OPLAH: variants seen among roughly 807,000 people sequenced by gnomAD.
OPLAH encodes the protein 5-oxoprolinase, ATP-hydrolysing, also known as 5-oxoprolinase.
A neutral mutation model predicts 122.8 loss-of-function variants in OPLAH; 103 were observed. That is an observed-to-expected ratio of 0.84 (90% CI 0.71 to 0.99). The LOEUF (loss-of-function observed/expected upper bound fraction) is 0.99. Ranked by LOEUF, OPLAH falls within the 50% of genes least tolerant of loss-of-function variation. The pLI, the probability that OPLAH is intolerant of heterozygous loss-of-function variation, is 0.00. For synonymous variants in OPLAH, 875 were observed against 796.0 expected (o/e 1.10, Z -1.67); for missense variants, 1,902 against 1,836.5 (o/e 1.04, Z -0.65).
At position 144,057,524 on chromosome 8, in the gene OPLAH, C is replaced by A. The variant is rs782806808; in HGVS notation, c.1346G>T (p.Ser449Ile). 2.5e-6 allele frequency: 4 copies of A among 1,598,710 alleles called. No homozygotes were observed. Among genetic ancestry groups the A allele is most frequent in the Admixed American group, 1.7e-5 (1 of 57,480 alleles). Residue 449 changes from serine to isoleucine, a missense_variant, in exon 10 of 27, where the codon AGC becomes ATC. By Grantham distance (142) the Ser-to-Ile change is moderately radical. Transcript: ENST00000618853. ...TNGPCPASPLSLEEVAMGFVR... is the reference protein window; with the variant it reads ...TNGPCPASPLILEEVAMGFVR... ...GAACCCCATGGCCACCTCCTCCAGG[C>A]TCAGCGGGGAGGCCGGGCAGGGCCC...
chr8:144,059,488 G>T, intron 3 of OPLAH, 111 bp downstream of exon 3: 1 of 1,156,484 alleles, frequency 8.6e-7, no homozygotes, highest in Non-Finnish European at 1.2e-6. Context: ...CTCTTTGTCG[G>T]CTGGTGCCCA....
chr8:144,056,444 T>A lies in OPLAH; in HGVS notation c.1924A>T (p.Ser642Cys), dbSNP rs141154641. Residue 642 changes from serine to cysteine, a missense_variant, in exon 14 of 27, where the codon AGT becomes TGT. Ser to Cys is a moderately radical substitution (Grantham distance 112). Coordinates refer to ENST00000618853, the MANE Select transcript of OPLAH (RefSeq NM_017570.5). ...GGGGCATCCTCGAGGCGAAGACCAC[T>A]GCGGCCGGTGCCCCGCACTCGCACA... Reference protein sequence around the residue: ...DDVRVRGTGRSGLRLEDAPKA... With the variant: ...DDVRVRGTGRCGLRLEDAPKA... The A allele has an allele frequency of 2.7e-4, 440 of 1,610,458 alleles. 3 individuals carry two copies. The African/African-American group carries it at 4.8e-3, about 17-fold the overall frequency.
chr8:144,059,040 C>A lies in OPLAH; in HGVS notation c.403G>T (p.Glu135Ter). The A allele has an allele frequency of 6.3e-7, 1 of 1,590,356 alleles. No homozygotes were observed. The highest frequency in any genetic ancestry group is 2.3e-5 in the East Asian group (1 of 43,370). Residue 135 changes from glutamate to a stop codon, truncating the protein, a stop_gained, in exon 4 of 27, where the codon GAG becomes TAG. Coordinates refer to ENST00000618853, the MANE Select transcript of OPLAH (RefSeq NM_017570.5). LOFTEE classifies it high-confidence loss of function. ...MPEVLYEEVLEVDERVVLHRG... is the reference protein window; with the variant it reads ...MPEVLYEEVL ...TGCAGCACCACGCGTTCGTCCACCT[C>A]CAGCACCTCTTCATACAGCACCTCA...
At position 144,055,282 on chromosome 8, in the gene OPLAH, C is replaced by G; in HGVS notation, c.2249-93G>C. The G allele has an allele frequency of 7.5e-7, 1 of 1,327,408 alleles. No homozygotes were observed. Among genetic ancestry groups the G allele is most frequent in the Non-Finnish European group, 9.9e-7 (1 of 1,012,600 alleles). The allele number at this position is 1,327,408 out of a possible 1,614,324, so 82.2% of individuals were successfully genotyped here. ...AACAGGACCCACCAGGACTCAAACCCAGGACCCAGGAAAAACCCAGCAGCT... is the reference window on the plus strand; with the variant it reads ...AACAGGACCCACCAGGACTCAAACCGAGGACCCAGGAAAAACCCAGCAGCT... On this transcript the variant is annotated intron_variant, in intron 16 of 26. Coordinates refer to ENST00000618853, the MANE Select transcript of OPLAH (RefSeq NM_017570.5). The surrounding 1 kb of genome is among the most constrained non-coding windows in gnomAD (Gnocchi z 6.5).
rs540721241 is a variant in OPLAH at position 144,055,247 on chromosome 8, G to A, written c.2249-58C>T. On this transcript the variant is annotated intron_variant, in intron 16 of 26. Transcript: ENST00000618853. This position sits in a 1 kb window ranked among gnomAD's most constrained non-coding sequence, Gnocchi z 6.5. ...CCACCCACCCACAGCCTGGCCCCAG[G>A]AAAGGGAGGAACAGGACCCACCAGG... is the stretch of plus-strand genomic sequence containing the variant. 4.7e-6 allele frequency: 7 copies of A among 1,476,656 alleles called. No homozygotes were observed. Among genetic ancestry groups the A allele is most frequent in the Admixed American group, 5.0e-5 (2 of 40,402 alleles). 91.5% of individuals were successfully genotyped at this position (1,476,656 alleles called of 1,614,324 possible).
intron 26 of OPLAH, 108 bp downstream of exon 26, chr8:144,051,621 G>T: frequency 1.7e-6 from 2 of 1,187,270 alleles, no homozygotes; most frequent in Non-Finnish European, 2.3e-6. Flanking sequence ...TCCTTCCGGG[G>T]CCAAATTAAA....
At chr8:144,054,978 G>A (rs1232678616) in intron 17 of OPLAH, 51 bp downstream of exon 17, 2 of 1,057,892 alleles carry the variant, frequency 1.9e-6, no homozygotes, top group Non-Finnish European at 2.6e-6. Flanking sequence ...GGTGGGGGGG[G>A]GGTGGAGGGT....
chr8:144,060,856 G>A (rs782407538), upstream of OPLAH, among the ~76,000 whole-genome samples: 1 of 152,224 alleles, frequency 6.6e-6, no homozygotes, highest in African/African-American at 2.4e-5. Context: ...ACGGGCGCAG[G>A]ATCAAGGGCA....
Position 144,054,886 on chromosome 8 carries a change from G to A in OPLAH, c.2437C>T (p.Pro813Ser). 3 of 1,609,992 alleles carry A rather than the reference G, an allele frequency of 1.9e-6. No homozygotes were observed. The highest frequency in any genetic ancestry group is 2.5e-6 in the Non-Finnish European group (3 of 1,178,362). ...QIQHLGADLH[P>S]GDVLLSNHPS... is the part of the protein sequence containing the mutation. ...TGGTTGCTCAGTAGCACGTCGCCAG[G>A]GTGGAGATCGGCCCCCAGGTGCTGA... Residue 813 changes from proline to serine, a missense_variant, in exon 18 of 27, where the codon CCT becomes TCT. By Grantham distance (74) the Pro-to-Ser change is moderately conservative (BLOSUM62 -1). Coordinates refer to ENST00000618853, the MANE Select transcript of OPLAH (RefSeq NM_017570.5).
Position 144,053,030 on chromosome 8 carries a change from C to T in OPLAH, c.2971G>A (p.Asp991Asn). Reference protein sequence around the residue: ...PLEVSSEDHMDDGSPIRLRVQ... With the variant: ...PLEVSSEDHMNDGSPIRLRVQ... ...CGGAGGCGGATGGGGGAACCGTCGTCCATGTGGTCTTCCGAGGACACCTCC... is the reference window on the plus strand; with the variant it reads ...CGGAGGCGGATGGGGGAACCGTCGTTCATGTGGTCTTCCGAGGACACCTCC... Residue 991 changes from aspartate to asparagine, a missense_variant, in exon 21 of 27, where the codon GAC becomes AAC. By Grantham distance (23) the Asp-to-Asn change is conservative. Coordinates refer to ENST00000618853, the MANE Select transcript of OPLAH (RefSeq NM_017570.5). 2 of 1,603,798 alleles carry T rather than the reference C, an allele frequency of 1.2e-6. No homozygotes were observed. The highest frequency in any genetic ancestry group is 2.2e-5 in the South Asian group (2 of 89,468).
Position 144,058,416 on chromosome 8 carries a change from C to T in OPLAH, c.784-12G>A. The T allele has an allele frequency of 3.8e-6, 6 of 1,586,872 alleles. No individual in the cohort carries two copies. Among genetic ancestry groups the T allele is most frequent in the Non-Finnish European group, 5.1e-6 (6 of 1,170,792 alleles). On this transcript the variant is annotated splice_polypyrimidine_tract_variant and intron_variant, in intron 6 of 26. Transcript: ENST00000618853. ...AACACCTGCACATCCTGCGAGCGGG[C>T]AGCAGGCGGGCCATGAGGGGCAGGC...
intron 22 of OPLAH, 44 bp from the exon 23 acceptor site, chr8:144,052,642 C>T (rs540683165): frequency 6.3e-5 from 98 of 1,555,374 alleles, no homozygotes; most frequent in Middle Eastern, 4.1e-4. Context: ...GGGTGGGCTC[C>T]GGGAGAAACA....
At chr8:144,062,211 TGCCAAGG>T (rs1351490947), upstream of OPLAH, among the ~76,000 whole-genome samples, 1 of 152,112 alleles carries the variant, frequency 6.6e-6, no homozygotes, top group Non-Finnish European at 1.5e-5. Flanking sequence ...GTAACATTTG[TGCCAAGG>T]GCAGTGGACT....
chr8:144,052,303 C>G lies in OPLAH; in HGVS notation c.3327G>C (p.Leu1109=). 1 of 1,530,506 alleles carries G rather than the reference C, an allele frequency of 6.5e-7. No homozygotes were observed. 94.8% of individuals were successfully genotyped at this position (1,530,506 alleles called of 1,614,324 possible). A position where few individuals can be genotyped will look rare whatever the true frequency, so the allele number is the denominator to read the frequency against. Residue 1109 remains leucine, a synonymous_variant, in exon 24 of 27, where the codon CTG becomes CTC. Coordinates refer to ENST00000618853, the MANE Select transcript of OPLAH (RefSeq NM_017570.5). The part of the protein sequence containing the change: ...ASQGCMNNVT[L]GNAHMGYYET... Reference sequence around the variant, plus strand: ...CGTAGTAGCCCATGTGGGCGTTGCCCAGGGTCACGTTGTTCATGCAGCCCT... The same window carrying G: ...CGTAGTAGCCCATGTGGGCGTTGCCGAGGGTCACGTTGTTCATGCAGCCCT...
chr8:144,051,509 T>A, intron 26 of OPLAH, 37 bp from the exon 27 acceptor site: 4 of 1,405,566 alleles, frequency 2.8e-6, no homozygotes, highest in Non-Finnish European at 3.8e-6. Flanking sequence ...GCGGGCTCAG[T>A]GCAGGCGTGG....
At chr8:144,051,618 G>C in intron 26 of OPLAH, 111 bp downstream of exon 26, 6 of 1,197,100 alleles carry the variant, frequency 5.0e-6, no homozygotes, top group South Asian at 2.9e-5. Flanking sequence ...CTTTCCTTCC[G>C]GGGCCAAATT....
In OPLAH at chr8:144,052,139, G is replaced by C. The variant is rs368522315; in HGVS notation, c.3461+30C>G. 5 of 1,551,582 alleles carry C rather than the reference G, an allele frequency of 3.2e-6. No homozygotes were observed. The Admixed American group carries it at 9.2e-5, about 28-fold the overall frequency. On this transcript the variant is annotated intron_variant, in intron 24 of 26. Coordinates refer to ENST00000618853, the MANE Select transcript of OPLAH (RefSeq NM_017570.5). ...CCCGAGCCCCGGCTCCCACCCGGCC[G>C]TGCCCCCAGCCTCCGCGCACGCCGC... is the stretch of plus-strand genomic sequence containing the variant.
upstream of OPLAH, among the ~76,000 whole-genome samples, chr8:144,062,089 A>G (rs1554760987): frequency 6.6e-6 from 1 of 151,464 alleles, no homozygotes; most frequent in African/African-American, 2.4e-5. Flanking sequence ...ACCATTCTTT[A>G]TTCCTCTACT....
chr8:144,054,431 C>G (rs1835458148), intron 19 of OPLAH, 130 bp downstream of exon 19: 3 of 1,016,198 alleles, frequency 3.0e-6, no homozygotes, highest in Non-Finnish European at 4.2e-6. Flanking sequence ...GGGTAACCAC[C>G]TATCTCCTCC....
Sources: gnomAD v4.1 joint callset for allele counts (sites outside exome capture counted in the v4.1 genomes callset) on GRCh38, gnomAD v4.1.1 for gene constraint, Gnocchi (gnomAD v3.1) non-coding constraint, MANE v1.5 for transcripts, NCBI Gene and HGNC (gene_info 2026-07-23, HGNC 2026-07-21) for gene names.